Variants in TAOK1 observed in about 807,000 individuals in gnomAD.
TAOK1 encodes the protein serine/threonine-protein kinase TAO1.
TAOK1 carries 21 observed loss-of-function variants against 138.3 expected under a neutral mutation model. That is an observed-to-expected ratio of 0.15 (90% CI 0.11 to 0.22). TAOK1 has a LOEUF of 0.22. Among genes scored for constraint, TAOK1 ranks in the 10% least tolerant of loss-of-function variants. TAOK1 has a pLI of 1.00. For synonymous variants in TAOK1, 361 were observed against 398.4 expected (o/e 0.91, Z 1.12); for missense variants, 651 against 1,227.7 (o/e 0.53, Z 7.02).
At chr17:29,449,364 A>G (rs2030175274) in intron 1 of TAOK1, among the ~76,000 whole-genome samples, 1 of 152,178 alleles carries the variant, frequency 6.6e-6, no homozygotes, top group African/African-American at 2.4e-5. Context: ...CCTTGGATAT[A>G]TATTAGAAAT....
chr17:29,501,221 T>TA lies in TAOK1; in HGVS notation c.1204-1347dup, dbSNP rs66503222. Among the ~76,000 whole-genome samples, 533 of 120,580 alleles carry TA rather than the reference T, an allele frequency of 4.4e-3. 5 individuals are homozygous for TA. Among genetic ancestry groups the TA allele is most frequent in the East Asian group, 0.014 (55 of 3,892 alleles). The allele number at this position is 120,580 out of a possible 152,430, so 79.1% of individuals were successfully genotyped here. A position where few individuals can be genotyped will look rare whatever the true frequency, so the allele number is the denominator to read the frequency against. On this transcript the variant is annotated intron_variant, in intron 12 of 19. Transcript: ENST00000261716. ...GCAACATAGGGAGACCCCATCTGTT[T>TA]AAAAAAAAAAAAAAAAAAAAAGAAA...
intron 1 of TAOK1, among the ~76,000 whole-genome samples, chr17:29,407,126 C>T (rs1235838979): frequency 1.3e-5 from 2 of 151,732 alleles, no homozygotes; most frequent in African/African-American, 4.8e-5. Context: ...GTGATCTTCC[C>T]ATCTTAGCCT....
intron 1 of TAOK1, among the ~76,000 whole-genome samples, chr17:29,443,597 T>C (rs1379121603): frequency 6.6e-6 from 1 of 152,232 alleles, no homozygotes; most frequent in Non-Finnish European, 1.5e-5. Flanking sequence ...TCTACTTTTG[T>C]GGAACCAGGA....
intron 16 of TAOK1, among the ~76,000 whole-genome samples, chr17:29,520,694 C>T (rs1399566764): frequency 6.7e-6 from 1 of 148,338 alleles, no homozygotes; most frequent in East Asian, 2.2e-4. Context: ...GGATTACAGG[C>T]GTGAGCCACC....
chr17:29,421,587 T>A (rs1905446206), intron 1 of TAOK1, among the ~76,000 whole-genome samples: 1 of 152,188 alleles, frequency 6.6e-6, no homozygotes, highest in South Asian at 2.1e-4. Flanking sequence ...TATATTACTT[T>A]AGTGGAAACA....
chr17:29,502,446 C>T, intron 12 of TAOK1, 143 bp from the exon 13 acceptor site: 2 of 889,096 alleles, frequency 2.2e-6, no homozygotes. Context: ...AAAAAGAAGA[C>T]CAGCATTTCT....
chr17:29,395,646 CTTT>C (rs10591199), intron 1 of TAOK1, among the ~76,000 whole-genome samples: 1 of 129,762 alleles, frequency 7.7e-6, no homozygotes, highest in Non-Finnish European at 1.6e-5. Context: ...GGTATGTGTA[CTTT>C]TTTTTTTTTT....
chr17:29,399,461 G>A (rs1390448883), intron 1 of TAOK1, among the ~76,000 whole-genome samples: 5 of 151,654 alleles, frequency 3.3e-5, no homozygotes, highest in South Asian at 2.1e-4. Context: ...GACTACAGGC[G>A]CCCGCCACTA....
At chr17:29,481,033 T>C (rs1471222007) in intron 7 of TAOK1, among the ~76,000 whole-genome samples, 2 of 152,106 alleles carry the variant, frequency 1.3e-5, no homozygotes, top group Admixed American at 6.6e-5. Context: ...TGGAGCACCA[T>C]TTTTATTTGA....
chr17:29,482,910 T>C (rs995114584), intron 8 of TAOK1, among the ~76,000 whole-genome samples: 12 of 152,084 alleles, frequency 7.9e-5, no homozygotes, highest in Non-Finnish European at 1.5e-4. Context: ...TGTTCATAAA[T>C]AGAACTGTGC....
At chr17:29,524,769 G>A (rs9906478) in intron 17 of TAOK1, among the ~76,000 whole-genome samples, 2 of 152,170 alleles carry the variant, frequency 1.3e-5, no homozygotes, top group African/African-American at 4.8e-5. Flanking sequence ...TGGAGGAGAG[G>A]AGACTGCAGT....
intron 15 of TAOK1, among the ~76,000 whole-genome samples, chr17:29,516,779 G>A (rs2031823755): frequency 6.6e-6 from 1 of 152,014 alleles, no homozygotes; most frequent in Non-Finnish European, 1.5e-5. Flanking sequence ...GAGATTATAG[G>A]TGTAAGCCAT....
In TAOK1 at chr17:29,530,629, C is replaced by G. The variant is rs751541366; in HGVS notation, c.2361+10C>G. 2 of 1,612,962 alleles carry G rather than the reference C, an allele frequency of 1.2e-6. No individual in the cohort carries two copies. The highest frequency in any genetic ancestry group is 8.5e-7 in the Non-Finnish European group (1 of 1,179,308). ...GCTCTCCACACAAGCCGTGAGTTTG[C>G]TTTTTTTGGGGCAAAACAAATTTAG... On this transcript the variant is annotated intron_variant, in intron 18 of 19. Coordinates refer to ENST00000261716, the MANE Select transcript of TAOK1 (RefSeq NM_020791.4).
At chr17:29,467,855 G>A (rs1022301443) in intron 3 of TAOK1, among the ~76,000 whole-genome samples, 7 of 149,088 alleles carry the variant, frequency 4.7e-5, no homozygotes, top group Non-Finnish European at 1.0e-4. Flanking sequence ...ATAGAGTCTC[G>A]CTCTGTCACC....
chr17:29,420,953 A>G (rs1905422851), intron 1 of TAOK1, among the ~76,000 whole-genome samples: 1 of 151,802 alleles, frequency 6.6e-6, no homozygotes, highest in Admixed American at 6.6e-5. Flanking sequence ...TTTTTGAGGC[A>G]GTGTCTCGCT....
At chr17:29,496,333 G>A (rs1003257582) in intron 11 of TAOK1, among the ~76,000 whole-genome samples, 3 of 151,762 alleles carry the variant, frequency 2.0e-5, no homozygotes, top group African/African-American at 7.3e-5. Flanking sequence ...GGCCAGGCTG[G>A]TCTTGAACTC....
intron 1 of TAOK1, among the ~76,000 whole-genome samples, chr17:29,416,951 A>G (rs988713314): frequency 5.3e-5 from 8 of 152,242 alleles, no homozygotes; most frequent in Admixed American, 3.3e-4. Flanking sequence ...AGTGCCAGGG[A>G]TATGGTAAAG....
rs1020707837 is a variant in TAOK1 at position 29,451,493 on chromosome 17, C to G, written c.-56C>G. 2 of 1,518,726 alleles carry G rather than the reference C, an allele frequency of 1.3e-6. No individual in the cohort carries two copies. Among genetic ancestry groups the G allele is most frequent in the Admixed American group, 4.3e-5 (2 of 46,526 alleles). 94.1% of individuals were successfully genotyped at this position (1,518,726 alleles called of 1,614,324 possible). A position where few individuals can be genotyped will look rare whatever the true frequency, so the allele number is the denominator to read the frequency against. ...CGTGACTTCATTCATACAGATGAAC[C>G]AAGGATCGGGATAGCAGTATAAAAT... On this transcript the variant is annotated 5_prime_UTR_variant, in exon 2 of 20. Coordinates refer to ENST00000261716, the MANE Select transcript of TAOK1 (RefSeq NM_020791.4).
chr17:29,474,789 A>G (rs1221300958), intron 3 of TAOK1, among the ~76,000 whole-genome samples: 1 of 151,836 alleles, frequency 6.6e-6, no homozygotes, highest in African/African-American at 2.4e-5. Context: ...AGCCCATGCT[A>G]TTGGAAAAAT....
Sources: gnomAD v4.1 joint callset for allele counts (sites outside exome capture counted in the v4.1 genomes callset) on GRCh38, gnomAD v4.1.1 for gene constraint, MANE v1.5 for transcripts, NCBI Gene and HGNC (gene_info 2026-07-23, HGNC 2026-07-21) for gene names.